The following OCA2 variants were observed in gnomAD, a reference collection of about 807,000 sequenced individuals.
The protein encoded by OCA2 is P protein.
A neutral mutation model predicts 100.2 loss-of-function variants in OCA2; 77 were observed. That is an observed-to-expected ratio of 0.77 (90% CI 0.64 to 0.93). The LOEUF is 0.93. Ranked by LOEUF, OCA2 falls within the 40% of genes least tolerant of loss-of-function variation. The probability of loss-of-function intolerance (pLI) is 0.00; values close to 1 mark genes in which losing one functional copy is unlikely to be tolerated. For synonymous variants in OCA2, 432 were observed against 439.2 expected, an observed-to-expected ratio of 0.98 and a Z score of 0.21; for missense variants, 1,062 against 1,089.1, an observed-to-expected ratio of 0.98 and a Z score of 0.35.
At chr15:27,778,046 A>G (rs1033336846) in intron 23 of OCA2, among the ~76,000 whole-genome samples, 4 of 152,204 alleles carry the variant, frequency 2.6e-5, no homozygotes, top group Admixed American at 1.3e-4. Context: ...AGAATACCAC[A>G]TTTCAGGAGG....
intron 19 of OCA2, among the ~76,000 whole-genome samples, chr15:27,903,975 G>A (rs2122004): frequency 0.027 from 4,076 of 152,228 alleles, 206 homozygotes; most frequent in African/African-American, 0.094. Context: ...CTTTTAATGA[G>A]GGGATTTTTA....
chr15:28,090,656 TATAAC>T (rs1439333322), intron 1 of OCA2, among the ~76,000 whole-genome samples: 1 of 151,998 alleles, frequency 6.6e-6, no homozygotes, highest in South Asian at 2.1e-4. Context: ...AAAGTGAAAA[TATAAC>T]ATATCAAAAT....
intron 18 of OCA2, among the ~76,000 whole-genome samples, chr15:27,927,581 T>C (rs1472087546): frequency 6.6e-6 from 1 of 152,176 alleles, no homozygotes; most frequent in Non-Finnish European, 1.5e-5. Flanking sequence ...GCAACATTTA[T>C]GCTTTAGGAA....
intron 14 of OCA2, among the ~76,000 whole-genome samples, chr15:27,978,662 G>GTATA (rs1248432053): frequency 7.3e-4 from 111 of 151,290 alleles, no homozygotes; most frequent in African/African-American, 2.6e-3. Flanking sequence ...ATATATGTGT[G>GTATA]TATATATATA....
intron 23 of OCA2, among the ~76,000 whole-genome samples, chr15:27,761,815 A>G (rs2030865337): frequency 6.6e-6 from 1 of 152,188 alleles, no homozygotes; most frequent in South Asian, 2.1e-4. Flanking sequence ...ACAGACCCAT[A>G]AAGACATGCC....
intron 22 of OCA2, among the ~76,000 whole-genome samples, chr15:27,846,709 C>G (rs2035551253): frequency 6.6e-6 from 1 of 152,024 alleles, no homozygotes; most frequent in Non-Finnish European, 1.5e-5. Context: ...TTGTAGGTTG[C>G]CAAGGTGAAC....
chr15:27,898,637 G>T (rs1454559826), intron 19 of OCA2, among the ~76,000 whole-genome samples: 2 of 152,120 alleles, frequency 1.3e-5, no homozygotes, highest in African/African-American at 4.8e-5. Context: ...CTGAATAAAA[G>T]GTTGAATTAT....
intron 2 of OCA2, among the ~76,000 whole-genome samples, chr15:28,047,678 T>A (rs1283549220): frequency 6.6e-6 from 1 of 152,178 alleles, no homozygotes; most frequent in Non-Finnish European, 1.5e-5. Context: ...GGTAAAAGAC[T>A]GAAAATTTTC....
intron 1 of OCA2, among the ~76,000 whole-genome samples, chr15:28,094,624 C>A (rs1294442328): frequency 6.6e-6 from 1 of 152,248 alleles, no homozygotes; most frequent in Non-Finnish European, 1.5e-5. Flanking sequence ...CACTCAACCC[C>A]AAATCGTTCG....
Position 27,974,169 on chromosome 15 carries a change from A to C in OCA2, c.1504-7347T>G, listed in dbSNP as rs539892962. Among the ~76,000 whole-genome samples, 5 of 152,184 alleles carry C rather than the reference A, an allele frequency of 3.3e-5. No homozygotes were observed. In the South Asian group the frequency reaches 1.0e-3, roughly 32 times the overall value. On this transcript the variant is annotated intron_variant, in intron 14 of 23. Transcript: ENST00000354638. ...CTCTTTTCCAATTTGGGTACTCTTTATTTCTTTCTCTTGTCTGATTACTCT... is the reference window on the plus strand; with the variant it reads ...CTCTTTTCCAATTTGGGTACTCTTTCTTTCTTTCTCTTGTCTGATTACTCT...
At chr15:27,803,348 A>G (rs1342496569) in intron 23 of OCA2, among the ~76,000 whole-genome samples, 1 of 152,054 alleles carries the variant, frequency 6.6e-6, no homozygotes, top group Non-Finnish European at 1.5e-5. Context: ...TTGACAGATA[A>G]ATAGATAAAT....
intron 23 of OCA2, among the ~76,000 whole-genome samples, chr15:27,843,913 A>C (rs1165757795): frequency 6.6e-6 from 1 of 152,140 alleles, no homozygotes; most frequent in Non-Finnish European, 1.5e-5. Context: ...CCACTCAACC[A>C]AAGTTGAGGT....
At chr15:27,925,122 C>G (rs774231743) in intron 19 of OCA2, among the ~76,000 whole-genome samples, 9 of 151,974 alleles carry the variant, frequency 5.9e-5, no homozygotes, top group Middle Eastern at 3.2e-3. Flanking sequence ...GGAAAAATAC[C>G]CAATCCAACA....
chr15:27,839,645 A>T (rs2035275384), intron 23 of OCA2, among the ~76,000 whole-genome samples: 1 of 150,162 alleles, frequency 6.7e-6, no homozygotes, highest in East Asian at 2.0e-4. Flanking sequence ...ACCAAATAAC[A>T]TAGTAACCAC....
At chr15:27,780,253 C>A (rs1318926210) in intron 23 of OCA2, among the ~76,000 whole-genome samples, 1 of 152,222 alleles carries the variant, frequency 6.6e-6, no homozygotes, top group African/African-American at 2.4e-5. Flanking sequence ...GGGCTTCTGT[C>A]CAGACTGATC....
At chr15:27,836,158 T>C (rs573135498) in intron 23 of OCA2, among the ~76,000 whole-genome samples, 34 of 152,280 alleles carry the variant, frequency 2.2e-4, no homozygotes, top group African/African-American at 5.5e-4. Context: ...GGGTTCAATA[T>C]ACAAATCTAC....
chr15:27,975,992 G>A (rs4778220), intron 14 of OCA2, among the ~76,000 whole-genome samples: 114,154 of 152,096 alleles, frequency 0.75, 44,086 homozygotes, highest in East Asian at 1. Flanking sequence ...TAGGCCTTGC[G>A]TATGTTTGGT....
At chr15:27,866,699 G>A (rs1300925760) in intron 21 of OCA2, among the ~76,000 whole-genome samples, 1 of 152,214 alleles carries the variant, frequency 6.6e-6, no homozygotes, top group Non-Finnish European at 1.5e-5. Flanking sequence ...CAGAGGGCAA[G>A]CGAGGCTCTG....
At chr15:27,887,154 G>T in intron 19 of OCA2, among the ~76,000 whole-genome samples, 1 of 152,162 alleles carries the variant, frequency 6.6e-6, no homozygotes, top group East Asian at 1.9e-4. Flanking sequence ...TGATCGTGAG[G>T]CCTCCCCAGC....
Sources: allele counts gnomAD v4.1 joint callset (sites outside exome capture counted in the v4.1 genomes callset), GRCh38; gene constraint gnomAD v4.1.1; transcripts MANE v1.5; gene names NCBI Gene and HGNC (gene_info 2026-07-23, HGNC 2026-07-21).